Variants in TXNDC9 observed in about 807,000 individuals in gnomAD.
TXNDC9 encodes thioredoxin domain containing 9.
Under a neutral mutation model 23.0 loss-of-function variants are expected in TXNDC9, and 7 were observed. That is an observed-to-expected ratio of 0.30 (90% CI 0.17 to 0.57). The LOEUF (loss-of-function observed/expected upper bound fraction) is 0.57, where lower values mean the gene tolerates loss of function less well. TXNDC9 is among the 20% of genes least tolerant of loss of function. The pLI is 0.90. For synonymous variants in TXNDC9, 72 were observed against 90.6 expected (o/e 0.79, Z 1.17); for missense variants, 198 against 252.6 (o/e 0.78, Z 1.47).
chr2:99,309,838 A>G, the TXNDC9 span, among the ~76,000 whole-genome samples: 15 of 152,000 alleles, frequency 9.9e-5, no homozygotes, highest in East Asian at 2.9e-3. Context: ...GGCATGTACC[A>G]CCACGCCCAG....
rs1354263399 is a variant in TXNDC9, at chr2:99,322,949, G to A, written c.309-740C>T. 3.9e-5 allele frequency among the ~76,000 whole-genome samples: 6 copies of A among 152,122 alleles called. No homozygotes were observed. In the East Asian group the frequency reaches 9.8e-4, roughly 25 times the overall value. Reference sequence around the variant, plus strand: ...GCTAATTTTTTGTATTTTTAGTAGAGACGGGGTTTCACTGTGTTAGCCAGG... The same window carrying A: ...GCTAATTTTTTGTATTTTTAGTAGAAACGGGGTTTCACTGTGTTAGCCAGG... On this transcript the variant is annotated intron_variant, in intron 3 of 4. Transcript: ENST00000264255.
chr2:99,319,646 GAA>G lies in TXNDC9; in HGVS notation c.*34_*35del, dbSNP rs76843435. The G allele has an allele frequency of 3.5e-6, 5 of 1,419,378 alleles. No homozygotes were observed. Among genetic ancestry groups the G allele is most frequent in the Admixed American group, 4.3e-5 (2 of 46,316 alleles). The allele number at this position is 1,419,378 out of a possible 1,614,324, so 87.9% of individuals were successfully genotyped here. ...TAAAAACACATTTAAATCTGAAGCA[GAA>G]AAAAAAAGACAATTTACAAAGAATT... On this transcript the variant is annotated 3_prime_UTR_variant, in exon 5 of 5. Coordinates refer to ENST00000264255, the MANE Select transcript of TXNDC9 (RefSeq NM_005783.4).
chr2:99,324,881 G>A (rs1233433076), intron 3 of TXNDC9, among the ~76,000 whole-genome samples: 3 of 152,216 alleles, frequency 2.0e-5, no homozygotes, highest in Non-Finnish European at 4.4e-5. Context: ...GCACAACTGG[G>A]ACTACAGGCA....
chr2:99,314,529 C>CTTTTTTTTTTTTTT (rs55729391), downstream of TXNDC9, among the ~76,000 whole-genome samples: 6 of 97,446 alleles, frequency 6.2e-5, no homozygotes, highest in Non-Finnish European at 9.4e-5. Context: ...AATACTACAC[C>CTTTTTTTTTTTTTT]TTTTTTTTTT....
Position 99,333,089 on chromosome 2 carries a change from T to A in TXNDC9, c.122A>T (p.Glu41Val). Residue 41 changes from glutamate to valine, a missense_variant, in exon 2 of 5, where the codon GAG becomes GTG. Coordinates refer to ENST00000264255, the MANE Select transcript of TXNDC9 (RefSeq NM_005783.4). ...TTCTTTAAGGCGTTCCAATTCATCC[T>A]CATCCATCTGATCCAGTTTTTGAAT... The part of the protein sequence containing the change: ...SEIQKLDQMD[E>V]DELERLKEKR... The A allele has an allele frequency of 6.2e-7, 1 of 1,614,106 alleles. No individual in the cohort carries two copies. The highest frequency in any genetic ancestry group is 8.5e-7 in the Non-Finnish European group (1 of 1,180,006).
At chr2:99,332,170 C>T (rs1407009927) in intron 2 of TXNDC9, among the ~76,000 whole-genome samples, 5 of 152,172 alleles carry the variant, frequency 3.3e-5, no homozygotes, top group African/African-American at 1.2e-4. Flanking sequence ...TGGCCAGGTG[C>T]GGTAGCTCAC....
chr2:99,314,675 C>T (rs991146692), downstream of TXNDC9, among the ~76,000 whole-genome samples: 6 of 151,096 alleles, frequency 4.0e-5, no homozygotes, highest in African/African-American at 7.3e-5. Context: ...GTACTACAGG[C>T]GCATGCCACC....
intron 2 of TXNDC9, among the ~76,000 whole-genome samples, chr2:99,331,391 A>G (rs1445835676): frequency 1.3e-5 from 2 of 151,976 alleles, no homozygotes; most frequent in African/African-American, 4.8e-5. Context: ...CCTGACCAAC[A>G]TGATGAAACC....
chr2:99,322,194 G>A lies in TXNDC9; in HGVS notation c.324C>T (p.Asp108=). The part of the protein sequence containing the change: ...RDSTFRCKIL[D]RHLAILSKKH... ...TCTTGGACAATATTGCCAGATGTCTGTCTAGTATTTTACACCTGTAAGTGA... is the reference window on the plus strand; with the variant it reads ...TCTTGGACAATATTGCCAGATGTCTATCTAGTATTTTACACCTGTAAGTGA... Residue 108 remains aspartate (D), a synonymous_variant, in exon 4 of 5, where the codon GAC becomes GAT. Coordinates refer to ENST00000264255, the MANE Select transcript of TXNDC9 (RefSeq NM_005783.4). 6.2e-7 allele frequency: 1 copy of A among 1,613,966 alleles called. No homozygotes were observed. The highest frequency in any genetic ancestry group is 1.3e-5 in the African/African-American group (1 of 75,050).
At chr2:99,317,886 A>G (rs569318503), downstream of TXNDC9, among the ~76,000 whole-genome samples, 2 of 152,138 alleles carry the variant, frequency 1.3e-5, no homozygotes, top group East Asian at 1.9e-4. Flanking sequence ...CCTAGGACTA[A>G]TAACAGCTGC....
At chr2:99,332,026 G>A (rs1357576507) in intron 2 of TXNDC9, among the ~76,000 whole-genome samples, 2 of 152,110 alleles carry the variant, frequency 1.3e-5, no homozygotes, top group Admixed American at 6.6e-5. Context: ...CACCATGCCC[G>A]GTCAAAACTC....
chr2:99,335,866 T>C (rs1325014390), intron 1 of TXNDC9, among the ~76,000 whole-genome samples: 2 of 152,214 alleles, frequency 1.3e-5, no homozygotes, highest in African/African-American at 4.8e-5. Context: ...AACCACAGCC[T>C]CTGATTCTTC....
chr2:99,322,522 G>GAACA, intron 3 of TXNDC9: 1 of 1,468,268 alleles, frequency 6.8e-7, no homozygotes, highest in Non-Finnish European at 9.0e-7. Flanking sequence ...ACTTGAAGAG[G>GAACA]AACAAACTGA....
chr2:99,313,008 C>T, the TXNDC9 span, among the ~76,000 whole-genome samples: 1 of 151,858 alleles, frequency 6.6e-6, no homozygotes, highest in Admixed American at 6.6e-5. Flanking sequence ...ATTAAAAACA[C>T]AAAATTAGCC....
intron 1 of TXNDC9, among the ~76,000 whole-genome samples, chr2:99,335,027 C>T (rs1013078898): frequency 6.6e-6 from 1 of 152,124 alleles, no homozygotes; most frequent in Non-Finnish European, 1.5e-5. Flanking sequence ...AATTTTACTT[C>T]TTTTAAAAGA....
intron 2 of TXNDC9, 118 bp from the exon 3 acceptor site, chr2:99,327,771 T>TG: frequency 1.7e-6 from 1 of 571,628 alleles, no homozygotes; most frequent in Middle Eastern, 2.9e-4. Flanking sequence ...AAAAAAAAAG[T>TG]TTTTTTTTTG....
intron 3 of TXNDC9, among the ~76,000 whole-genome samples, chr2:99,322,906 C>A (rs1161683896): frequency 6.6e-6 from 1 of 152,072 alleles, no homozygotes; most frequent in Non-Finnish European, 1.5e-5. Context: ...GGACTACAGG[C>A]GCCTGCCACC....
At chr2:99,312,394 G>C in the TXNDC9 span, among the ~76,000 whole-genome samples, 1 of 151,962 alleles carries the variant, frequency 6.6e-6, no homozygotes, top group East Asian at 1.9e-4. Flanking sequence ...CTACTGGGGA[G>C]GCTGAGGCAG....
At chr2:99,330,550 G>A (rs1016711268) in intron 2 of TXNDC9, among the ~76,000 whole-genome samples, 3 of 152,014 alleles carry the variant, frequency 2.0e-5, no homozygotes. Flanking sequence ...GGGCCTACCT[G>A]AGGCATGGCA....
Sources: allele counts gnomAD v4.1 joint callset (sites outside exome capture counted in the v4.1 genomes callset), GRCh38; gene constraint gnomAD v4.1.1; transcripts MANE v1.5; gene names NCBI Gene and HGNC (gene_info 2026-07-23, HGNC 2026-07-21).